The following CERT1 variants were observed in gnomAD, a reference collection of about 807,000 sequenced individuals.
CERT1 encodes ceramide transporter 1.
A neutral mutation model predicts 87.9 loss-of-function variants in CERT1; 31 were observed. The observed-to-expected ratio is 0.35, with a 90% CI of 0.27 to 0.48. The LOEUF (loss-of-function observed/expected upper bound fraction) is 0.48, where lower values mean the gene tolerates loss of function less well. Among genes scored for constraint, CERT1 ranks in the 20% least tolerant of loss-of-function variants. The probability of loss-of-function intolerance (pLI) is 0.99; values close to 1 mark genes in which losing one functional copy is unlikely to be tolerated. For missense variants in CERT1, 487 were observed against 758.0 expected (o/e 0.64, Z 4.20); for synonymous variants, 289 against 250.9 (o/e 1.15, Z -1.44).
At chr5:75,429,347 G>A (rs539024549) in intron 3 of CERT1, among the ~76,000 whole-genome samples, 20 of 152,078 alleles carry the variant, frequency 1.3e-4, no homozygotes, top group African/African-American at 3.9e-4. Flanking sequence ...GATCACAGGC[G>A]TGTGCCACCA....
chr5:75,379,330 C>T lies in CERT1; in HGVS notation c.*16G>A. The T allele has an allele frequency of 1.2e-6, 2 of 1,602,044 alleles. No homozygotes were observed. Among genetic ancestry groups the T allele is most frequent in the Non-Finnish European group, 8.5e-7 (1 of 1,172,044 alleles). The stretch of plus-strand genomic sequence containing the variant: ...GTTAAAAAAAGATAAAACATATCTT[C>T]TAGTACCTGTTAATACTAGAACAAA... On this transcript the variant is annotated 3_prime_UTR_variant, in exon 17 of 17. Coordinates refer to ENST00000643780, the MANE Select transcript of CERT1 (RefSeq NM_001379029.1).
rs144797777 is a variant in CERT1, at chr5:75,450,561, G to A, written c.348+8504C>T. ...CCGATCCAGGTCTTTTTCTGATCCC[G>A]AAGAGACTGAGTCTAGAGCCTTTTA... On this transcript the variant is annotated intron_variant, in intron 3 of 16. Transcript: ENST00000643780. Among the ~76,000 whole-genome samples, 168 of 152,270 alleles carry A rather than the reference G, an allele frequency of 1.1e-3. 1 individual carries two copies. The East Asian group carries it at 0.027, about 25-fold the overall frequency.
chr5:75,462,179 T>C (rs1265103532), intron 2 of CERT1, among the ~76,000 whole-genome samples: 1 of 152,126 alleles, frequency 6.6e-6, no homozygotes, highest in Non-Finnish European at 1.5e-5. Context: ...GAAACAAATG[T>C]AGGATAGAGG....
Position 75,511,327 on chromosome 5 carries a change from T to TGG in CERT1, c.-122_-121dup. 6.5e-7 allele frequency: 1 copy of TGG among 1,544,726 alleles called. No homozygotes were observed. The highest frequency in any genetic ancestry group is 8.7e-7 in the Non-Finnish European group (1 of 1,145,872). ...GAAGCGAAGAGTGCCCGCTCCGGTG[T>TGG]GGGGGGGAGCAGGAGGAGGGACGAA... On this transcript the variant is annotated 5_prime_UTR_variant, in exon 1 of 17. Transcript: ENST00000643780.
intron 2 of CERT1, among the ~76,000 whole-genome samples, chr5:75,491,295 T>C (rs1380782865): frequency 2.0e-5 from 3 of 152,196 alleles, no homozygotes; most frequent in Non-Finnish European, 4.4e-5. Flanking sequence ...GGTTCCTTTT[T>C]TTCTTGCAGG....
intron 2 of CERT1, among the ~76,000 whole-genome samples, chr5:75,463,310 T>C (rs1765317243): frequency 6.6e-6 from 1 of 152,198 alleles, no homozygotes; most frequent in Admixed American, 6.5e-5. Context: ...AAGGATAAGA[T>C]TTTTGTCCAT....
intron 2 of CERT1, 67 bp downstream of exon 2, chr5:75,505,915 G>T: frequency 7.9e-7 from 1 of 1,271,220 alleles, no homozygotes; most frequent in Non-Finnish European, 1.1e-6. Context: ...TGAACACGTA[G>T]AACAGTTCCT....
chr5:75,379,104 G>T lies in CERT1; in HGVS notation c.*242C>A. The stretch of plus-strand genomic sequence containing the variant: ...AGGCTGAGATGAGAGGATTGTTTGA[G>T]GCCAGAGGTTGAGGTTGCAGTGAGC... On this transcript the variant is annotated 3_prime_UTR_variant, in exon 17 of 17. Transcript: ENST00000643780. 2.7e-6 allele frequency: 1 copy of T among 377,214 alleles called. No individual in the cohort carries two copies. The highest frequency in any genetic ancestry group is 4.8e-5 in the East Asian group (1 of 21,010). 23.4% of individuals were successfully genotyped at this position (377,214 alleles called of 1,614,324 possible).
chr5:75,503,804 C>T (rs1580866442), intron 2 of CERT1, among the ~76,000 whole-genome samples: 1 of 664 alleles, frequency 1.5e-3, no homozygotes, highest in East Asian at 0.033. Context: ...CTGTTTTCTT[C>T]CTGAGAAGAT....
At chr5:75,437,777 A>C (rs1407653764) in intron 3 of CERT1, among the ~76,000 whole-genome samples, 13 of 149,718 alleles carry the variant, frequency 8.7e-5, no homozygotes, top group Admixed American at 8.6e-4. Flanking sequence ...TTAAAAAAAA[A>C]AAAAAAAAAG....
intron 3 of CERT1, among the ~76,000 whole-genome samples, chr5:75,432,262 A>G (rs752888813): frequency 2.0e-5 from 3 of 151,982 alleles, no homozygotes; most frequent in Non-Finnish European, 4.4e-5. Flanking sequence ...TTGCCATGTT[A>G]GCCAGGATGG....
chr5:75,474,657 T>G (rs1765877572), intron 2 of CERT1, among the ~76,000 whole-genome samples: 1 of 152,042 alleles, frequency 6.6e-6, no homozygotes, highest in South Asian at 2.1e-4. Flanking sequence ...CTTTAACAAA[T>G]CGTGTTAGGA....
At chr5:75,495,351 G>A (rs1767007692) in intron 2 of CERT1, among the ~76,000 whole-genome samples, 1 of 152,116 alleles carries the variant, frequency 6.6e-6, no homozygotes, top group Admixed American at 6.5e-5. Flanking sequence ...GAGTCTAGAA[G>A]TTCAAGACTA....
chr5:75,405,173 T>C (rs1580724601), intron 8 of CERT1, among the ~76,000 whole-genome samples: 1 of 152,344 alleles, frequency 6.6e-6, no homozygotes, highest in East Asian at 1.9e-4. Flanking sequence ...CTCATCATGC[T>C]TACTAAGGGC....
intron 2 of CERT1, among the ~76,000 whole-genome samples, chr5:75,465,141 C>A (rs1765405948): frequency 1.3e-5 from 2 of 152,112 alleles, no homozygotes; most frequent in South Asian, 4.2e-4. Flanking sequence ...CTTCCTCTAG[C>A]TCTCTCCTTT....
chr5:75,401,216 T>C (rs1173519040), intron 9 of CERT1: 1 of 152,166 alleles, frequency 6.6e-6, no homozygotes, highest in Non-Finnish European at 1.5e-5. Flanking sequence ...TCTAGTACAG[T>C]GTCAAGAATA....
intron 11 of CERT1, among the ~76,000 whole-genome samples, chr5:75,394,491 A>T (rs1223857158): frequency 1.3e-5 from 2 of 152,112 alleles, no homozygotes; most frequent in Non-Finnish European, 2.9e-5. Flanking sequence ...ACAGAATGAG[A>T]CCCTATCTCT....
At chr5:75,385,803 G>A (rs1329685360) in intron 13 of CERT1, 99 bp downstream of exon 13, 16 of 925,666 alleles carry the variant, frequency 1.7e-5, no homozygotes, top group African/African-American at 8.6e-5. Context: ...TACTTTCTAC[G>A]TTGACTTTGT....
chr5:75,510,991 C>T (rs2112492035), intron 1 of CERT1, 121 bp downstream of exon 1: 1 of 1,315,816 alleles, frequency 7.6e-7, no homozygotes, highest in Non-Finnish European at 1.0e-6. Flanking sequence ...GCTGCAGCAA[C>T]ACTCAGCCTC....
Sources: gnomAD v4.1 joint callset for allele counts (sites outside exome capture counted in the v4.1 genomes callset) on GRCh38, gnomAD v4.1.1 for gene constraint, MANE v1.5 for transcripts, NCBI Gene and HGNC (gene_info 2026-07-23, HGNC 2026-07-21) for gene names.